CEP164: variants seen among roughly 807,000 people sequenced by gnomAD.
CEP164 encodes centrosomal protein 164.
In CEP164, 162 loss-of-function variants were observed where a neutral mutation model predicts 182.7. The observed-to-expected ratio is 0.89, with a 90% CI of 0.78 to 1.01. The LOEUF is 1.01. CEP164 is among the 50% of genes least tolerant of loss of function. The probability of loss-of-function intolerance (pLI) is 0.00; values close to 1 mark genes in which losing one functional copy is unlikely to be tolerated. For synonymous variants in CEP164, 661 were observed against 690.0 expected (o/e 0.96, Z 0.66); for missense variants, 1,735 against 1,790.4 (o/e 0.97, Z 0.56).
chr11:117,343,836 G>C (rs1167767892), intron 3 of CEP164, among the ~76,000 whole-genome samples: 1 of 151,802 alleles, frequency 6.6e-6, no homozygotes, highest in African/African-American at 2.4e-5. Flanking sequence ...TCACCATGTT[G>C]GCCAGGCTGG....
At chr11:117,404,600 G>A (rs1293657286) in intron 27 of CEP164, among the ~76,000 whole-genome samples, 2 of 152,242 alleles carry the variant, frequency 1.3e-5, no homozygotes, top group Non-Finnish European at 2.9e-5. Flanking sequence ...CCCCTGCTAG[G>A]CGGTGTCTCC....
intron 10 of CEP164, among the ~76,000 whole-genome samples, chr11:117,374,299 G>A (rs561893132): frequency 8.4e-4 from 128 of 152,150 alleles, no homozygotes; most frequent in African/African-American, 2.9e-3. Flanking sequence ...TTGGAATGCC[G>A]GCATCCATGG....
intron 27 of CEP164, 44 bp downstream of exon 27, chr11:117,397,357 G>T: frequency 6.4e-7 from 1 of 1,567,214 alleles, no homozygotes; most frequent in East Asian, 2.3e-5. Flanking sequence ...TGTGGGGGAG[G>T]CGGGGGGAGT....
At chr11:117,366,453 A>G (rs994992158) in intron 8 of CEP164, among the ~76,000 whole-genome samples, 1 of 152,178 alleles carries the variant, frequency 6.6e-6, no homozygotes, top group South Asian at 2.1e-4. Context: ...CTTCAAGTCT[A>G]TTACAGACTG....
At position 117,391,099 on chromosome 11, in the gene CEP164, G is replaced by C; in HGVS notation, c.2167G>C (p.Glu723Gln). ...SLEQKNRQMLEQLKEEIEASE... is the reference protein window; with the variant it reads ...SLEQKNRQMLQQLKEEIEASE... ...GGAACAGAAAAATAGGCAAATGCTG[G>C]AGCAGCTCAAGGAAGAGATAGAGGC... The change falls in exon 17 of 33, where the codon GAG (glutamate) becomes CAG (glutamine). Residue 723 changes from glutamate (E) to glutamine (Q), a missense_variant. By Grantham distance (29) the Glu-to-Gln change is conservative. Transcript: ENST00000278935. 6.2e-7 allele frequency: 1 copy of C among 1,614,096 alleles called. No individual in the cohort carries two copies. The highest frequency in any genetic ancestry group is 8.5e-7 in the Non-Finnish European group (1 of 1,180,024).
In CEP164 at chr11:117,409,762, C is replaced by T; in HGVS notation, c.3893C>T (p.Pro1298Leu). Residue 1298 changes from proline to leucine, a missense_variant, in exon 30 of 33, where the codon CCA (proline) becomes CTA (leucine). By Grantham distance (98) the Pro-to-Leu change is moderately conservative. Coordinates refer to ENST00000278935, the MANE Select transcript of CEP164 (RefSeq NM_014956.5). This position sits in a 1 kb window ranked among gnomAD's most constrained non-coding sequence, Gnocchi z 4.4. ...QSPPPLLASM[P>L]AQLPPRDPKS... Reference sequence around the variant, plus strand: ...CCGCCGCCGCTCCTCGCCTCCATGCCAGCCCAGCTCCCTCCCCGGGACCCT... The same window carrying T: ...CCGCCGCCGCTCCTCGCCTCCATGCTAGCCCAGCTCCCTCCCCGGGACCCT... 5.6e-6 allele frequency: 9 copies of T among 1,614,040 alleles called. No homozygotes were observed. The highest frequency in any genetic ancestry group is 7.6e-6 in the Non-Finnish European group (9 of 1,179,944).
intron 8 of CEP164, among the ~76,000 whole-genome samples, chr11:117,363,715 C>T (rs2041276490): frequency 6.9e-6 from 1 of 143,914 alleles, no homozygotes; most frequent in African/African-American, 2.5e-5. Flanking sequence ...AACAAACAAA[C>T]ATCAACACTC....
At chr11:117,396,649 A>T in intron 26 of CEP164, 38 bp downstream of exon 26, 1 of 1,517,584 alleles carries the variant, frequency 6.6e-7, no homozygotes, top group Non-Finnish European at 9.2e-7. Context: ...AGGTTAGGGT[A>T]CCATGAAGGG....
intron 3 of CEP164, among the ~76,000 whole-genome samples, chr11:117,340,567 CT>C (rs1360203804): frequency 6.6e-6 from 1 of 152,150 alleles, no homozygotes; most frequent in African/African-American, 2.4e-5. Context: ...GACAGTCTTA[CT>C]CTGTCACCCA....
rs2043508824 is a variant in CEP164 at position 117,382,941 on chromosome 11, G to C, written c.1723G>C (p.Val575Leu). The C allele has an allele frequency of 6.2e-7, 1 of 1,612,828 alleles. No individual in the cohort carries two copies. The highest frequency in any genetic ancestry group is 1.1e-5 in the South Asian group (1 of 91,008). Reference sequence around the variant, plus strand: ...CCCCACCCCGCCAGTCTCTCCAGAGGTGTAAGGGCCAGTTTTGTGTGTCTG... The same window carrying C: ...CCCCACCCCGCCAGTCTCTCCAGAGCTGTAAGGGCCAGTTTTGTGTGTCTG... The part of the protein sequence containing the change: ...VSPTPPVSPE[V>L]RSTEPVAPPE... Residue 575 changes from valine (V) to leucine (L), a missense_variant and splice_region_variant, in exon 14 of 33, where the codon GTG becomes CTG. By Grantham distance (32) the Val-to-Leu change is conservative (BLOSUM62 1). Transcript: ENST00000278935.
chr11:117,362,021 CTG>C (rs2041044981), intron 6 of CEP164, 28 bp downstream of exon 6: 1 of 1,528,436 alleles, frequency 6.5e-7, no homozygotes. Context: ...CGTTCAGTGT[CTG>C]TAGTTCCTGT....
intron 1 of CEP164, among the ~76,000 whole-genome samples, chr11:117,334,430 A>T (rs1463641163): frequency 6.6e-6 from 1 of 152,188 alleles, no homozygotes; most frequent in Non-Finnish European, 1.5e-5. Flanking sequence ...CTGGCAGAAC[A>T]TTTATTTGAA....
In CEP164 at chr11:117,338,612, G is replaced by A; in HGVS notation, c.26G>A (p.Gly9Glu). 1 of 1,614,140 alleles carries A rather than the reference G, an allele frequency of 6.2e-7. No homozygotes were observed. Among genetic ancestry groups the A allele is most frequent in the Non-Finnish European group, 8.5e-7 (1 of 1,180,006 alleles). MAGRPLRI[G>E]DQLVLEEDYD... ...ATGGCTGGACGACCCCTCCGCATAG[G>A]AGATCAGCTGGTTCTGGAAGAAGAT... is the stretch of plus-strand genomic sequence containing the variant. The change falls in exon 3 of 33, where the codon GGA (glycine) becomes GAA (glutamate). Residue 9 changes from glycine to glutamate, a missense_variant. By Grantham distance (98) the Gly-to-Glu change is moderately conservative. Transcript: ENST00000278935.
chr11:117,370,499 C>T lies in CEP164; in HGVS notation c.766-581C>T, dbSNP rs115936748. Among the ~76,000 whole-genome samples, 1,114 of 152,290 alleles carry T rather than the reference C, an allele frequency of 7.3e-3. 24 individuals carry two copies. Among genetic ancestry groups the T allele is most frequent in the African/African-American group, 0.024 (992 of 41,566 alleles). On this transcript the variant is annotated intron_variant, in intron 8 of 32. Transcript: ENST00000278935. The stretch of plus-strand genomic sequence containing the variant: ...ATGACAGGTGGTGACAGAGTTGTAT[C>T]GTCCAGTGTAGTGACTTCCAGGCCC...
intron 9 of CEP164, among the ~76,000 whole-genome samples, chr11:117,373,046 C>T (rs1256869090): frequency 3.9e-5 from 6 of 152,092 alleles, no homozygotes; most frequent in African/African-American, 1.2e-4. Context: ...TATTCCTCCT[C>T]CAGGTAGATG....
chr11:117,334,719 A>T (rs1260936596), intron 1 of CEP164, among the ~76,000 whole-genome samples: 2 of 140,644 alleles, frequency 1.4e-5, no homozygotes, highest in Non-Finnish European at 3.0e-5. Context: ...TGGGAGACAG[A>T]GGTTGCAGTG....
At position 117,409,996 on chromosome 11, in the gene CEP164, C is replaced by G; in HGVS notation, c.4096+31C>G. The G allele has an allele frequency of 6.4e-7, 1 of 1,570,578 alleles. No homozygotes were observed. Reference sequence around the variant, plus strand: ...CCCCACTCTGGGCGGAGCCTTCCCACCTGCCTCCTCCTCCTCCTCTTCCTT... The same window carrying G: ...CCCCACTCTGGGCGGAGCCTTCCCAGCTGCCTCCTCCTCCTCCTCTTCCTT... On this transcript the variant is annotated intron_variant, in intron 30 of 32. Transcript: ENST00000278935. This position sits in a 1 kb window ranked among gnomAD's most constrained non-coding sequence, Gnocchi z 4.4.
At chr11:117,323,865 C>G (rs568324517), upstream of CEP164, 2 of 417,196 alleles carry the variant, frequency 4.8e-6, no homozygotes, top group Non-Finnish European at 9.8e-6. Flanking sequence ...CATTTTTTCA[C>G]GTACCTGTTG....
intron 12 of CEP164, among the ~76,000 whole-genome samples, chr11:117,381,209 C>G (rs901869165): frequency 2.6e-5 from 4 of 152,190 alleles, no homozygotes; most frequent in African/African-American, 9.6e-5. Flanking sequence ...TCAGCTTCTC[C>G]GGCCTGAGCC....
Sources: gnomAD v4.1 joint callset for allele counts (sites outside exome capture counted in the v4.1 genomes callset) on GRCh38, gnomAD v4.1.1 for gene constraint, Gnocchi (gnomAD v3.1) non-coding constraint, MANE v1.5 for transcripts, NCBI Gene and HGNC (gene_info 2026-07-23, HGNC 2026-07-21) for gene names.